WDPCP: variants seen among roughly 807,000 people sequenced by gnomAD.
WDPCP encodes the protein WD repeat-containing and planar cell polarity effector protein fritz homolog.
In WDPCP, 71 loss-of-function variants were observed where a neutral mutation model predicts 93.1. The observed-to-expected ratio is 0.76, with a 90% CI of 0.63 to 0.93. WDPCP has a LOEUF of 0.93. Ranked by LOEUF, WDPCP falls within the 40% of genes least tolerant of loss-of-function variation. WDPCP has a pLI of 0.00. For missense variants in WDPCP, 844 were observed against 887.4 expected, an observed-to-expected ratio of 0.95 and a Z score of 0.62; for synonymous variants, 315 against 315.0, an observed-to-expected ratio of 1.00 and a Z score of 0.00.
intron 3 of WDPCP, among the ~76,000 whole-genome samples, chr2:63,638,871 C>G (rs1709950380): frequency 6.6e-6 from 1 of 150,970 alleles, no homozygotes; most frequent in African/African-American, 2.4e-5. Context: ...TGACACACCT[C>G]TAGGGTGGCT....
chr2:63,399,236 C>T (rs1693968630), intron 10 of WDPCP, among the ~76,000 whole-genome samples: 1 of 151,978 alleles, frequency 6.6e-6, no homozygotes, highest in Non-Finnish European at 1.5e-5. Context: ...CATTTGAATG[C>T]TTGACTTCTA....
chr2:63,589,317 G>C, upstream of WDPCP: 1 of 1,550,670 alleles, frequency 6.4e-7, no homozygotes, highest in Non-Finnish European at 8.7e-7. Context: ...GCTGCATGAC[G>C]GGAGGACAAA....
chr2:63,369,757 A>C (rs1691227206), intron 12 of WDPCP, among the ~76,000 whole-genome samples: 1 of 152,190 alleles, frequency 6.6e-6, no homozygotes, highest in Admixed American at 6.5e-5. Flanking sequence ...ATGCAAATGG[A>C]ACAGAGTGGG....
chr2:63,389,059 A>G (rs1456511893), intron 10 of WDPCP, among the ~76,000 whole-genome samples: 1 of 152,174 alleles, frequency 6.6e-6, no homozygotes, highest in East Asian at 1.9e-4. Context: ...CACCACAAAG[A>G]TACTCCTCAA....
chr2:63,812,101 A>G (rs1329817140), intron 2 of WDPCP, among the ~76,000 whole-genome samples: 1 of 151,972 alleles, frequency 6.6e-6, no homozygotes, highest in African/African-American at 2.4e-5. Flanking sequence ...CTGGGCTCAA[A>G]TGATCCTCCT....
intron 2 of WDPCP, among the ~76,000 whole-genome samples, chr2:63,662,561 C>T (rs1710237334): frequency 6.6e-6 from 1 of 151,906 alleles, no homozygotes; most frequent in African/African-American, 2.4e-5. Flanking sequence ...GCCAGGGTTG[C>T]AGCACAGGAG....
chr2:63,520,822 G>A (rs2106157980), intron 1 of WDPCP, among the ~76,000 whole-genome samples: 1 of 151,880 alleles, frequency 6.6e-6, no homozygotes, highest in South Asian at 2.1e-4. Context: ...CATGAGCCTG[G>A]GGAGGTCAAA....
At chr2:63,124,824 G>C (rs1237953593) in intron 17 of WDPCP, among the ~76,000 whole-genome samples, 1 of 151,998 alleles carries the variant, frequency 6.6e-6, no homozygotes, top group Non-Finnish European at 1.5e-5. Flanking sequence ...AAGTCAGTTA[G>C]TGGCAGAGTT....
intron 1 of WDPCP, among the ~76,000 whole-genome samples, chr2:63,825,060 C>A (rs140952863): frequency 2.6e-5 from 4 of 151,962 alleles, no homozygotes; most frequent in African/African-American, 9.7e-5. Context: ...TAAATTTGGG[C>A]GCGAGATAAA....
At chr2:63,480,514 C>T (rs10179024) in intron 6 of WDPCP, among the ~76,000 whole-genome samples, 3,975 of 152,196 alleles carry the variant, frequency 0.026, 159 homozygotes, top group African/African-American at 0.09. Flanking sequence ...ACCAAAACAG[C>T]GTAGTGCTGG....
chr2:63,402,643 A>G (rs1044368414), intron 10 of WDPCP, among the ~76,000 whole-genome samples: 3 of 152,204 alleles, frequency 2.0e-5, no homozygotes, highest in African/African-American at 7.2e-5. Flanking sequence ...CACACCAGTC[A>G]GAATGGCTAT....
At chr2:63,381,635 G>A (rs1214596660) in intron 11 of WDPCP, among the ~76,000 whole-genome samples, 2 of 152,116 alleles carry the variant, frequency 1.3e-5, no homozygotes, top group Non-Finnish European at 1.5e-5. Flanking sequence ...TTCTGTCTGT[G>A]AGCTTAGACT....
intron 2 of WDPCP, among the ~76,000 whole-genome samples, chr2:63,808,823 C>A (rs1670813569): frequency 6.6e-6 from 1 of 151,784 alleles, no homozygotes; most frequent in South Asian, 2.1e-4. Context: ...ACATGAGGAG[C>A]CCCTCTGCCT....
At chr2:63,453,056 C>T (rs1434701949) in intron 6 of WDPCP, among the ~76,000 whole-genome samples, 1 of 152,108 alleles carries the variant, frequency 6.6e-6, no homozygotes, top group Non-Finnish European at 1.5e-5. Flanking sequence ...GTCTAAAACG[C>T]CAAAAGCAAT....
intron 2 of WDPCP, among the ~76,000 whole-genome samples, chr2:63,737,068 A>T (rs577800812): frequency 6.6e-6 from 1 of 152,158 alleles, no homozygotes; most frequent in Non-Finnish European, 1.5e-5. Flanking sequence ...AAAAATGTAC[A>T]GGGATGTCTC....
chr2:63,543,737 G>A (rs1704921111), intron 1 of WDPCP, among the ~76,000 whole-genome samples: 1 of 151,984 alleles, frequency 6.6e-6, no homozygotes, highest in Non-Finnish European at 1.5e-5. Flanking sequence ...TACTTTTCAA[G>A]TTTTAACTGA....
intron 2 of WDPCP, among the ~76,000 whole-genome samples, chr2:63,764,797 C>A (rs1315935110): frequency 1.3e-5 from 2 of 152,128 alleles, no homozygotes; most frequent in Non-Finnish European, 2.9e-5. Context: ...GGGCTGGAAA[C>A]AAAGGCTAAG....
intron 10 of WDPCP, among the ~76,000 whole-genome samples, chr2:63,394,522 C>T (rs952816885): frequency 6.6e-6 from 1 of 152,096 alleles, no homozygotes; most frequent in African/African-American, 2.4e-5. Flanking sequence ...TTCAACCCAA[C>T]AATCTCATTA....
chr2:63,588,893 A>G (rs547038440), upstream of WDPCP: 252 of 1,015,746 alleles, frequency 2.5e-4, 4 homozygotes, highest in South Asian at 3.2e-3. Flanking sequence ...AGGGCAGCGT[A>G]AACTACAGTT....
Sources: gnomAD v4.1 joint callset for allele counts (sites outside exome capture counted in the v4.1 genomes callset) on GRCh38, gnomAD v4.1.1 for gene constraint, MANE v1.5 for transcripts, NCBI Gene and HGNC (gene_info 2026-07-23, HGNC 2026-07-21) for gene names.